SNX7: variants seen among roughly 807,000 people sequenced by gnomAD.
SNX7 encodes sorting nexin-7.
In SNX7, 35 loss-of-function variants were observed where a neutral mutation model predicts 48.4. The observed-to-expected ratio is 0.72, with a 90% CI of 0.55 to 0.96. SNX7 has a LOEUF of 0.96. Ranked by LOEUF, SNX7 falls within the 40% of genes least tolerant of loss-of-function variation. The pLI is 0.00. For missense variants in SNX7, 553 were observed against 548.9 expected (o/e 1.01, Z -0.07); for synonymous variants, 190 against 190.2 (o/e 1.00, Z 0.01).
intron 8 of SNX7, among the ~76,000 whole-genome samples, chr1:98,743,433 A>G (rs924318215): frequency 2.2e-4 from 34 of 152,112 alleles, no homozygotes; most frequent in Non-Finnish European, 3.2e-4. Flanking sequence ...TTAGCAGATA[A>G]CACAAATATA....
At chr1:98,751,481 G>A (rs1208445957) in intron 8 of SNX7, among the ~76,000 whole-genome samples, 1 of 152,012 alleles carries the variant, frequency 6.6e-6, no homozygotes, top group African/African-American at 2.4e-5. Context: ...CCCCACCTCT[G>A]GCTCACCTTC....
At chr1:98,711,938 A>T (rs1278089731) in intron 7 of SNX7, among the ~76,000 whole-genome samples, 1 of 152,178 alleles carries the variant, frequency 6.6e-6, no homozygotes, top group Non-Finnish European at 1.5e-5. Context: ...TTTTAAGAAT[A>T]CTCACAGCAT....
intron 7 of SNX7, among the ~76,000 whole-genome samples, chr1:98,723,141 C>T (rs1411622724): frequency 6.6e-6 from 1 of 152,018 alleles, no homozygotes; most frequent in Non-Finnish European, 1.5e-5. Flanking sequence ...AATGAATGGA[C>T]TGAGATAGGA....
In SNX7 at chr1:98,663,252, G is replaced by GTTTTTTTTTTTTT. The variant is rs1491348958; in HGVS notation, c.180+1341_180+1342insTTTTTTTTTTTTT. On this transcript the variant is annotated intron_variant, in intron 1 of 8. Coordinates refer to ENST00000306121, the MANE Select transcript of SNX7 (RefSeq NM_015976.5). Reference sequence around the variant, plus strand: ...ATCAGAATCATCAGGGTTTCTTTCTGGTTTTTTTTTTTTTTTTTTTTTTTT... The same window carrying GTTTTTTTTTTTTT: ...ATCAGAATCATCAGGGTTTCTTTCTGTTTTTTTTTTTTTGTTTTTTTTTTTTTTTTTTTTTTTT... Among the ~76,000 whole-genome samples, 17 of 83,184 alleles carry GTTTTTTTTTTTTT rather than the reference G, an allele frequency of 2.0e-4. 6 individuals carry two copies. The highest frequency in any genetic ancestry group is 4.4e-4 in the African/African-American group (8 of 18,276). The allele number at this position is 83,184 out of a possible 152,430, so 54.6% of individuals were successfully genotyped here.
rs1650717234 is a variant in SNX7, at chr1:98,685,051, AT to A, written c.348del (p.Tyr116Ter). The A allele has an allele frequency of 6.5e-7, 1 of 1,530,940 alleles. No individual in the cohort carries two copies. Among genetic ancestry groups the A allele is most frequent in the Non-Finnish European group, 8.8e-7 (1 of 1,132,924 alleles). The allele number at this position is 1,530,940 out of a possible 1,614,324, so 94.8% of individuals were successfully genotyped here. On this transcript the variant is annotated frameshift_variant, in exon 2 of 9. Coordinates refer to ENST00000306121, the MANE Select transcript of SNX7 (RefSeq NM_015976.5). LOFTEE classifies it high-confidence loss of function. ...ACTACAATAGAAACTTTCATTACGT[AT>A]AGGATTATTACTAAGGTAAACATTT... ...HVTTIETFITYRIITKTSRGE... is the reference protein window; with the variant it reads ...HVTTIETFITXRIITKTSRGE...
In SNX7 at chr1:98,738,121, A is replaced by C. The variant is rs1653883193; in HGVS notation, c.1126-116A>C. 1.5e-5 allele frequency: 16 copies of C among 1,101,378 alleles called. No individual in the cohort carries two copies. In the South Asian group the frequency reaches 2.6e-4, roughly 18 times the overall value. 68.2% of individuals were successfully genotyped at this position (1,101,378 alleles called of 1,614,324 possible). A position where few individuals can be genotyped will look rare whatever the true frequency, so the allele number is the denominator to read the frequency against. ...CACAGAGTAAATACTGGTGATTAAAAACAAAAAAGAGTTATATTTAGGCTG... is the reference window on the plus strand; with the variant it reads ...CACAGAGTAAATACTGGTGATTAAACACAAAAAAGAGTTATATTTAGGCTG... On this transcript the variant is annotated intron_variant, in intron 7 of 8. Coordinates refer to ENST00000306121, the MANE Select transcript of SNX7 (RefSeq NM_015976.5).
intron 1 of SNX7, among the ~76,000 whole-genome samples, chr1:98,668,156 A>G (rs1201485993): frequency 6.6e-6 from 1 of 152,188 alleles, no homozygotes; most frequent in Non-Finnish European, 1.5e-5. Flanking sequence ...AATAAAACCA[A>G]AACAAGGAAA....
At chr1:98,754,699 T>G (rs1424814443) in intron 8 of SNX7, among the ~76,000 whole-genome samples, 1 of 152,018 alleles carries the variant, frequency 6.6e-6, no homozygotes, top group Non-Finnish European at 1.5e-5. Context: ...TGTCATCTCT[T>G]TTTTTATGAT....
chr1:98,695,177 T>C (rs1489529231), intron 4 of SNX7, among the ~76,000 whole-genome samples: 1 of 152,200 alleles, frequency 6.6e-6, no homozygotes, highest in African/African-American at 2.4e-5. Context: ...ATTCCTATTA[T>C]AAAATATAGA....
In SNX7 at chr1:98,760,244, C is replaced by T; in HGVS notation, c.*113C>T. 1 of 778,004 alleles carries T rather than the reference C, an allele frequency of 1.3e-6. No homozygotes were observed. Among genetic ancestry groups the T allele is most frequent in the Non-Finnish European group, 2.1e-6 (1 of 469,832 alleles). 48.2% of individuals were successfully genotyped at this position (778,004 alleles called of 1,614,324 possible). ...TGGATGAAAAATGTTTTGTACCCAT[C>T]TGGAAAACCAACAACTTGAAATCTC... On this transcript the variant is annotated 3_prime_UTR_variant, in exon 9 of 9. Transcript: ENST00000306121.
chr1:98,690,964 T>A, intron 2 of SNX7, 111 bp from the exon 3 acceptor site: 1 of 539,678 alleles, frequency 1.9e-6, no homozygotes, highest in Non-Finnish European at 3.0e-6. Context: ...ATAATTAGGA[T>A]GTGTTAATTT....
At position 98,687,061 on chromosome 1, in the gene SNX7, T is replaced by A. The variant is rs1650841430; in HGVS notation, c.363+1994T>A. 1.3e-5 allele frequency among the ~76,000 whole-genome samples: 2 copies of A among 152,126 alleles called. 1 individual carries two copies. The highest frequency in any genetic ancestry group is 2.9e-5 in the Non-Finnish European group (2 of 67,984). On this transcript the variant is annotated intron_variant, in intron 2 of 8. Transcript: ENST00000306121. ...GTAGTAATAATAATATGAAAATATA[T>A]AAACTAGCAAACATTTACTGTGTGA...
intron 8 of SNX7, among the ~76,000 whole-genome samples, 156 bp downstream of exon 8, chr1:98,738,545 T>A (rs1224293999): frequency 6.6e-6 from 1 of 152,180 alleles, no homozygotes. Context: ...TACCATTTGG[T>A]TTTGTTTATC....
chr1:98,702,950 G>T (rs375765311), intron 7 of SNX7, among the ~76,000 whole-genome samples: 1 of 152,014 alleles, frequency 6.6e-6, no homozygotes, highest in Non-Finnish European at 1.5e-5. Flanking sequence ...AGCCTCCTCA[G>T]CCCTGACCTG....
At chr1:98,668,937 G>C (rs1158234551) in intron 1 of SNX7, among the ~76,000 whole-genome samples, 2 of 152,198 alleles carry the variant, frequency 1.3e-5, no homozygotes, top group Non-Finnish European at 2.9e-5. Context: ...GGAGAGGAGG[G>C]TGTGACAGTT....
At chr1:98,724,587 G>A (rs1653068824) in intron 7 of SNX7, among the ~76,000 whole-genome samples, 3 of 152,198 alleles carry the variant, frequency 2.0e-5, no homozygotes, top group South Asian at 2.1e-4. Context: ...CCTTACTATT[G>A]TATGTATAGA....
At position 98,760,434 on chromosome 1, in the gene SNX7, T is replaced by A. The variant is rs1278005650; in HGVS notation, c.*303T>A. The stretch of plus-strand genomic sequence containing the variant: ...GCATATAGATTTTTTTTCTTAAATA[T>A]TTGACTGTGGAACATGCCATTTTAA... On this transcript the variant is annotated 3_prime_UTR_variant, in exon 9 of 9. Transcript: ENST00000306121. 1 of 226,304 alleles carries A rather than the reference T, an allele frequency of 4.4e-6. No homozygotes were observed. The highest frequency in any genetic ancestry group is 2.3e-5 in the African/African-American group (1 of 43,978). 14.0% of individuals were successfully genotyped at this position (226,304 alleles called of 1,614,324 possible).
intron 1 of SNX7, among the ~76,000 whole-genome samples, chr1:98,669,889 C>T (rs374166466): frequency 6.6e-6 from 1 of 152,174 alleles, no homozygotes; most frequent in Non-Finnish European, 1.5e-5. Context: ...TATTATTTCT[C>T]TTTTCCAAAA....
chr1:98,676,571 C>G (rs2100923000), intron 1 of SNX7, among the ~76,000 whole-genome samples: 1 of 152,240 alleles, frequency 6.6e-6, no homozygotes, highest in East Asian at 1.9e-4. Flanking sequence ...CTAAATGTTG[C>G]ATTGTAGTTC....
Sources: gnomAD v4.1 joint callset for allele counts (sites outside exome capture counted in the v4.1 genomes callset) on GRCh38, gnomAD v4.1.1 for gene constraint, MANE v1.5 for transcripts, NCBI Gene and HGNC (gene_info 2026-07-23, HGNC 2026-07-21) for gene names.